The following COL5A3 variants were observed in gnomAD, a reference collection of about 807,000 sequenced individuals.
COL5A3 encodes collagen type V alpha 3 chain, also known as collagen alpha-3(V) chain.
Under a neutral mutation model 250.0 loss-of-function variants are expected in COL5A3, and 172 were observed. That is an observed-to-expected ratio of 0.69 (90% confidence interval 0.61 to 0.78). The LOEUF is 0.78. COL5A3 is among the 30% of genes least tolerant of loss of function. The probability of loss-of-function intolerance (pLI) is 0.00; values close to 1 mark genes in which losing one functional copy is unlikely to be tolerated. For missense variants in COL5A3, 2,340 were observed against 2,334.4 expected (o/e 1.00, Z -0.05); for synonymous variants, 937 against 900.4 (o/e 1.04, Z -0.73).
Position 9,966,441 on chromosome 19 carries a change from G to A in COL5A3, c.4670-15C>T. ...CCAGTATTCCCCTGCCGCAGAGCCA[G>A]GCAGGGTGGGTGAGTCCGGATGGGA... On this transcript the variant is annotated splice_polypyrimidine_tract_variant and intron_variant, in intron 63 of 66. Transcript: ENST00000264828. 1 of 1,586,136 alleles carries A rather than the reference G, an allele frequency of 6.3e-7. No individual in the cohort carries two copies. Among genetic ancestry groups the A allele is most frequent in the South Asian group, 1.1e-5 (1 of 87,030 alleles).
At chr19:10,006,472 G>C (rs1381312404) in intron 1 of COL5A3, among the ~76,000 whole-genome samples, 2 of 151,450 alleles carry the variant, frequency 1.3e-5, no homozygotes, top group African/African-American at 4.9e-5. Flanking sequence ...TTTCCCCTTG[G>C]TTTTTGGTGA....
In COL5A3 at chr19:9,970,694, C is replaced by T; in HGVS notation, c.3883-19G>A. ...GCGGACCCTGGAGGAGACAAGGACACCAGCTGTGGTCTCAGCTAACATTGT... is the reference window on the plus strand; with the variant it reads ...GCGGACCCTGGAGGAGACAAGGACATCAGCTGTGGTCTCAGCTAACATTGT... On this transcript the variant is annotated intron_variant, in intron 53 of 66. Coordinates refer to ENST00000264828, the MANE Select transcript of COL5A3 (RefSeq NM_015719.4). 1 of 1,419,270 alleles carries T rather than the reference C, an allele frequency of 7.0e-7. No homozygotes were observed. Among genetic ancestry groups the T allele is most frequent in the Non-Finnish European group, 9.2e-7 (1 of 1,084,820 alleles). The allele number at this position is 1,419,270 out of a possible 1,614,324, so 87.9% of individuals were successfully genotyped here. A position where few individuals can be genotyped will look rare whatever the true frequency, so the allele number is the denominator to read the frequency against.
intron 8 of COL5A3, among the ~76,000 whole-genome samples, chr19:9,999,034 T>TTCTATCTC (rs571564568): frequency 9.8e-6 from 1 of 101,892 alleles, no homozygotes; most frequent in African/African-American, 4.7e-5. Flanking sequence ...TTCTCTTTCT[T>TTCTATCTC]TTTCTTTCTC....
At position 9,962,634 on chromosome 19, in the gene COL5A3, G is replaced by A. The variant is rs544997845; in HGVS notation, c.4851+185C>T. On this transcript the variant is annotated intron_variant, in intron 65 of 66. Transcript: ENST00000264828. ...TCCCCTATCCTGGCACCATCATTCT[G>A]TATGGCAATTGACTGCCTGTTACAC... 1.8e-4 allele frequency among the ~76,000 whole-genome samples: 27 copies of A among 152,114 alleles called. No individual in the cohort carries two copies. The South Asian group carries it at 4.8e-3, about 27-fold the overall frequency.
rs375780121 is a variant in COL5A3 at position 9,970,837 on chromosome 19, G to A, written c.3882+138C>T. 5.7e-6 allele frequency: 6 copies of A among 1,057,890 alleles called. No homozygotes were observed. In the East Asian group the frequency reaches 8.8e-5, roughly 16 times the overall value. 65.5% of individuals were successfully genotyped at this position (1,057,890 alleles called of 1,614,324 possible). On this transcript the variant is annotated intron_variant, in intron 53 of 66. Coordinates refer to ENST00000264828, the MANE Select transcript of COL5A3 (RefSeq NM_015719.4). The stretch of plus-strand genomic sequence containing the variant: ...CCTCAAGCTGCTCACATTCCTGGGG[G>A]TCCCCAGAGAGGTGAAGCGGGAGCA...
intron 22 of COL5A3, 72 bp from the exon 23 acceptor site, chr19:9,991,913 G>GT: frequency 6.4e-7 from 1 of 1,573,158 alleles, no homozygotes; most frequent in South Asian, 1.1e-5. Flanking sequence ...AATTGACTTG[G>GT]GGGGGGTCAG....
At chr19:9,963,896 C>G (rs748852138) in intron 64 of COL5A3, among the ~76,000 whole-genome samples, 1 of 151,356 alleles carries the variant, frequency 6.6e-6, no homozygotes, top group Non-Finnish European at 1.5e-5. Flanking sequence ...GGGCCAGGCG[C>G]GGTGGCTCAA....
chr19:9,997,051 G>A, intron 11 of COL5A3: 1 of 535,528 alleles, frequency 1.9e-6, no homozygotes, highest in Non-Finnish European at 3.3e-6. Context: ...TAGAGAGATG[G>A]ACGGAGGGAG....
chr19:9,968,935 T>C lies in COL5A3; in HGVS notation c.4153-207A>G, dbSNP rs1400750525. The C allele has an allele frequency of 1.6e-6, 1 of 634,204 alleles. No individual in the cohort carries two copies. Among genetic ancestry groups the C allele is most frequent in the Admixed American group, 3.0e-5 (1 of 33,892 alleles). The allele number at this position is 634,204 out of a possible 1,614,324, so 39.3% of individuals were successfully genotyped here. On this transcript the variant is annotated intron_variant, in intron 57 of 66. Coordinates refer to ENST00000264828, the MANE Select transcript of COL5A3 (RefSeq NM_015719.4). The surrounding 1 kb of genome is among the most constrained non-coding windows in gnomAD (Gnocchi z 4.1). ...ACTGGAGGATGGACAACGTGAGTGG[T>C]CAGTGGCCAAGGTCAGCGTGGGTGA...
intron 49 of COL5A3, 37 bp downstream of exon 49, chr19:9,973,719 T>C: frequency 1.2e-6 from 2 of 1,613,708 alleles, no homozygotes; most frequent in Non-Finnish European, 1.7e-6. Flanking sequence ...TAGATTTATC[T>C]CTTCCCCCCG....
chr19:9,991,825 G>T lies in COL5A3; in HGVS notation c.1910C>A (p.Pro637Gln). ...AKGNVGPPGE[P>Q]GPPGQQGNHG... The stretch of plus-strand genomic sequence containing the variant: ...GTTTCCCTGCTGTCCCGGAGGGCCT[G>T]GTTCTCCTGGAGGACCCTGGGGAGA... The change falls in exon 23 of 67, where the codon CCA becomes CAA. Residue 637 changes from proline (P) to glutamine (Q), a missense_variant. By Grantham distance (76) the Pro-to-Gln change is moderately conservative (BLOSUM62 -1). Transcript: ENST00000264828. The T allele has an allele frequency of 1.2e-6, 2 of 1,609,718 alleles. No individual in the cohort carries two copies. The highest frequency in any genetic ancestry group is 3.3e-4 in the Middle Eastern group (2 of 6,030).
Position 10,004,132 on chromosome 19 carries a change from T to A in COL5A3, c.608A>T (p.Glu203Val), listed in dbSNP as rs2087404540. 1 of 1,613,520 alleles carries A rather than the reference T, an allele frequency of 6.2e-7. No individual in the cohort carries two copies. The highest frequency in any genetic ancestry group is 8.5e-7 in the Non-Finnish European group (1 of 1,179,688). ...CTGAGGATCTGGGCTTATCAGCAGC[T>A]CCTGAATGTCTCCCTGGGGGTTGGG... is the stretch of plus-strand genomic sequence containing the variant. ...GEKTFEGDIQ[E>V]LLISPDPQAA... is the part of the protein sequence containing the mutation. The change falls in exon 5 of 67, where the codon GAG (glutamate) becomes GTG (valine). Residue 203 changes from glutamate to valine, a missense_variant. By Grantham distance (121) the Glu-to-Val change is moderately radical. Around this residue, in one of 3 missense-constraint regions of COL5A3, gnomAD observed 1,152 missense variants for 1,146.3 expected, o/e 1.00. Transcript: ENST00000264828.
chr19:9,980,582 C>T (rs982008052), intron 35 of COL5A3, 66 bp downstream of exon 35: 14 of 1,558,154 alleles, frequency 9.0e-6, no homozygotes, highest in Middle Eastern at 1.7e-4. Context: ...GGTTTGTCCT[C>T]CACTCAGAAT....
Position 9,980,642 on chromosome 19 carries a change from A to T in COL5A3, c.2604+6T>A, listed in dbSNP as rs752850107. 2.6e-5 allele frequency: 42 copies of T among 1,596,514 alleles called. No individual in the cohort carries two copies. Among genetic ancestry groups the T allele is most frequent in the Middle Eastern group, 1.7e-4 (1 of 6,056 alleles). ...TTCACACACACACACACACACACAC[A>T]CTCACCTTTTCTCCAGGGATCCCAG... On this transcript the variant is annotated splice_donor_region_variant and intron_variant, in intron 35 of 66. Coordinates refer to ENST00000264828, the MANE Select transcript of COL5A3 (RefSeq NM_015719.4).
Position 9,966,564 on chromosome 19 carries a change from C to T in COL5A3, c.4641G>A (p.Leu1547=), listed in dbSNP as rs747206052. The change falls in exon 63 of 67, where the codon CTG becomes CTA. Residue 1547 remains leucine (L), a synonymous_variant. Transcript: ENST00000264828. ...CAGGCAGGTGCGGGTGGTTGCGGTG[C>T]AGCTCGTGGCACACGAGGCCCGGGC... ...AERPGLVCHE[L]HRNHPHLPDG... 6.5e-7 allele frequency: 1 copy of T among 1,543,266 alleles called. No individual in the cohort carries two copies. The highest frequency in any genetic ancestry group is 1.2e-5 in the South Asian group (1 of 84,298).
At chr19:9,996,577 C>G (rs374513284) in intron 12 of COL5A3, 38 bp downstream of exon 12, 2 of 1,613,422 alleles carry the variant, frequency 1.2e-6, no homozygotes, top group African/African-American at 2.7e-5. Context: ...GATCAGGACT[C>G]CACTCCCCAA....
intron 31 of COL5A3, among the ~76,000 whole-genome samples, chr19:9,982,606 C>T (rs775934898): frequency 5.9e-5 from 9 of 152,172 alleles, no homozygotes; most frequent in Non-Finnish European, 8.8e-5. Flanking sequence ...GCCTGGCACA[C>T]GGTGAGTGCT....
At chr19:9,988,857 A>AAAAGAG (rs2087144190) in intron 27 of COL5A3, among the ~76,000 whole-genome samples, 1 of 136,980 alleles carries the variant, frequency 7.3e-6, no homozygotes, top group Non-Finnish European at 1.6e-5. Flanking sequence ...AAAAAAAAAA[A>AAAAGAG]AGAAAGTAAA....
At chr19:9,989,068 C>T (rs11879755) in intron 27 of COL5A3, 56 bp downstream of exon 27, 559,416 of 1,563,444 alleles carry the variant, frequency 0.36, 103,366 homozygotes, top group African/African-American at 0.61. Context: ...GGAGCTGCAT[C>T]GCATGCCTGA....
Sources: gnomAD v4.1 joint callset for allele counts (sites outside exome capture counted in the v4.1 genomes callset) on GRCh38, gnomAD v4.1.1 for gene constraint, gnomAD v4.1.1 regional missense constraint, Gnocchi (gnomAD v3.1) non-coding constraint, MANE v1.5 for transcripts, NCBI Gene and HGNC (gene_info 2026-07-23, HGNC 2026-07-21) for gene names.